RAB32: variants seen among roughly 807,000 people sequenced by gnomAD.
RAB32 encodes ras-related protein Rab-32.
Under a neutral mutation model 17.5 loss-of-function variants are expected in RAB32, and 17 were observed. That is an observed-to-expected ratio of 0.97 (90% confidence interval 0.67 to 1.46). The LOEUF is 1.46. RAB32 is among the 40% of genes most tolerant of loss of function. RAB32 has a pLI of 0.00. For missense variants in RAB32, 288 were observed against 284.3 expected (o/e 1.01, Z -0.09); for synonymous variants, 115 against 111.1 (o/e 1.04, Z -0.22).
intron 2 of RAB32, among the ~76,000 whole-genome samples, chr6:146,550,331 C>T (rs997481790): frequency 6.6e-6 from 1 of 152,044 alleles, no homozygotes; most frequent in African/African-American, 2.4e-5. Context: ...AAAAATAAAA[C>T]ACTCAGTTGA....
chr6:146,549,892 C>CTGTTGTGGACTGAA, intron 2 of RAB32, 151 bp downstream of exon 2: 2 of 885,352 alleles, frequency 2.3e-6, no homozygotes, highest in Non-Finnish European at 3.3e-6. Context: ...TCTTTCAGTC[C>CTGTTGTGGACTGAA]ACAACAGGAC....
intron 1 of RAB32, 50 bp from the exon 2 acceptor site, chr6:146,549,414 G>A (rs750620914): frequency 6.6e-7 from 1 of 1,509,960 alleles, no homozygotes; most frequent in African/African-American, 1.4e-5. Context: ...CCTAAATGTA[G>A]ACTCTGTCTG....
intron 1 of RAB32, among the ~76,000 whole-genome samples, chr6:146,544,732 T>C (rs916368723): frequency 6.7e-6 from 1 of 149,928 alleles, no homozygotes; most frequent in South Asian, 2.1e-4. Context: ...CTTCCTCTCT[T>C]GCTAAACCAA....
Position 146,549,611 on chromosome 6 carries a change from G to T in RAB32, c.398G>T (p.Gly133Val), listed in dbSNP as rs1168234618. The T allele has an allele frequency of 6.2e-7, 1 of 1,613,994 alleles. No individual in the cohort carries two copies. The highest frequency in any genetic ancestry group is 1.3e-5 in the African/African-American group (1 of 74,894). Reference sequence around the variant, plus strand: ...GATAGTAAAGTTCATCTTCCAAATGGCAGCCCTATCCCTGCTGTCCTCTTG... The same window carrying T: ...GATAGTAAAGTTCATCTTCCAAATGTCAGCCCTATCCCTGCTGTCCTCTTG... ...DLDSKVHLPN[G>V]SPIPAVLLAN... Residue 133 changes from glycine to valine, a missense_variant, in exon 2 of 3, where the codon GGC becomes GTC. Coordinates refer to ENST00000367495, the MANE Select transcript of RAB32 (RefSeq NM_006834.5).
At position 146,554,550 on chromosome 6, in the gene RAB32, A is replaced by G; in HGVS notation, c.623A>G (p.Lys208Arg). Residue 208 changes from lysine (K) to arginine (R), a missense_variant, in exon 3 of 3, where the codon AAA becomes AGA. Transcript: ENST00000367495. ...CCTAATGAAGAAAACGATGTGGACA[A>G]AATTAAGCTAGATCAAGAGACCTTG... ...SFPNEENDVD[K>R]IKLDQETLRA... 6.2e-7 allele frequency: 1 copy of G among 1,613,922 alleles called. No homozygotes were observed. The highest frequency in any genetic ancestry group is 8.5e-7 in the Non-Finnish European group (1 of 1,179,852).
chr6:146,544,182 CTTCTT>C (rs1304838881), intron 1 of RAB32, 61 bp downstream of exon 1: 2 of 1,509,200 alleles, frequency 1.3e-6, no homozygotes, highest in Admixed American at 2.2e-5. Flanking sequence ...CTCCTCTCTG[CTTCTT>C]TTCTTTTTCT....
chr6:146,549,864 C>A, intron 2 of RAB32, 123 bp downstream of exon 2: 2 of 1,142,398 alleles, frequency 1.8e-6, no homozygotes, highest in Non-Finnish European at 2.4e-6. Context: ...AGAAGTGTAG[C>A]ATGGATGTGT....
chr6:146,553,322 C>T (rs1779918156), intron 2 of RAB32, among the ~76,000 whole-genome samples: 1 of 152,082 alleles, frequency 6.6e-6, no homozygotes, highest in African/African-American at 2.4e-5. Context: ...GCACTAAGTA[C>T]AAAGGGAAAA....
Position 146,554,617 on chromosome 6 carries a change from T to C in RAB32, c.*12T>C. 6.2e-7 allele frequency: 1 copy of C among 1,605,980 alleles called. No individual in the cohort carries two copies. Among genetic ancestry groups the C allele is most frequent in the Non-Finnish European group, 8.5e-7 (1 of 1,176,932 alleles). On this transcript the variant is annotated 3_prime_UTR_variant, in exon 3 of 3. Coordinates refer to ENST00000367495, the MANE Select transcript of RAB32 (RefSeq NM_006834.5). ...CCCAGTGTTGCTGATATATGGCTTC[T>C]GCTTCTCTTGTGTGTGCCTCAGCTC...
Position 146,554,722 on chromosome 6 carries a change from C to A in RAB32, c.*117C>A. ...ACATGTGGCACTTCAAAAGGCAGCA[C>A]CACTGGGCGCCTGCACTTATTTGAA... On this transcript the variant is annotated 3_prime_UTR_variant, in exon 3 of 3. Coordinates refer to ENST00000367495, the MANE Select transcript of RAB32 (RefSeq NM_006834.5). The A allele has an allele frequency of 1.8e-6, 2 of 1,106,758 alleles. No homozygotes were observed. Among genetic ancestry groups the A allele is most frequent in the African/African-American group, 1.6e-5 (1 of 63,468 alleles). 68.6% of individuals were successfully genotyped at this position (1,106,758 alleles called of 1,614,324 possible). A position where few individuals can be genotyped will look rare whatever the true frequency, so the allele number is the denominator to read the frequency against.
Position 146,543,895 on chromosome 6 carries a change from C to A in RAB32, c.24C>A (p.Asp8Glu), listed in dbSNP as rs546395045. The change falls in exon 1 of 3, where the codon GAC (aspartate) becomes GAA (glutamate). Residue 8 changes from aspartate to glutamate, a missense_variant. Coordinates refer to ENST00000367495, the MANE Select transcript of RAB32 (RefSeq NM_006834.5). ...TCATGGCGGGCGGAGGAGCCGGGGA[C>A]CCCGGCCTGGGGGCGGCCGCCGCCC... is the stretch of plus-strand genomic sequence containing the variant. MAGGGAG[D>E]PGLGAAAAPA... The A allele has an allele frequency of 1.9e-6, 3 of 1,549,808 alleles. No homozygotes were observed. Among genetic ancestry groups the A allele is most frequent in the African/African-American group, 2.8e-5 (2 of 71,816 alleles).
At chr6:146,550,820 T>C (rs1027842146) in intron 2 of RAB32, among the ~76,000 whole-genome samples, 10 of 152,104 alleles carry the variant, frequency 6.6e-5, no homozygotes, top group African/African-American at 2.4e-4. Context: ...AATTCTGTGA[T>C]GACAGATAAA....
At chr6:146,544,779 G>A (rs866252777) in intron 1 of RAB32, among the ~76,000 whole-genome samples, 1 of 68,246 alleles carries the variant, frequency 1.5e-5, no homozygotes, top group Admixed American at 1.8e-4. Flanking sequence ...GCCCCCCCCC[G>A]CCCCCCCCCC....
intron 1 of RAB32, among the ~76,000 whole-genome samples, chr6:146,546,519 TTACTAAC>T (rs1358892405): frequency 6.6e-6 from 1 of 152,084 alleles, no homozygotes; most frequent in Admixed American, 6.5e-5. Context: ...GAGAGCTACA[TTACTAAC>T]TGTTTGATTT....
intron 1 of RAB32, among the ~76,000 whole-genome samples, chr6:146,545,963 C>G (rs575524919): frequency 3.6e-4 from 55 of 152,204 alleles, no homozygotes; most frequent in Non-Finnish European, 6.5e-4. Context: ...CGATTGGGTC[C>G]CACTGCTGGT....
chr6:146,551,443 T>C (rs1236555470), intron 2 of RAB32, among the ~76,000 whole-genome samples: 1 of 152,134 alleles, frequency 6.6e-6, no homozygotes, highest in Non-Finnish European at 1.5e-5. Context: ...CAGGCTGGAC[T>C]CAAACTCCTG....
At chr6:146,552,001 C>T (rs1244409359) in intron 2 of RAB32, among the ~76,000 whole-genome samples, 2 of 152,128 alleles carry the variant, frequency 1.3e-5, no homozygotes, top group African/African-American at 4.8e-5. Flanking sequence ...GCCTAAATGT[C>T]ACTAAGGTAC....
intron 2 of RAB32, among the ~76,000 whole-genome samples, chr6:146,551,238 T>A (rs1779894760): frequency 6.6e-6 from 1 of 152,136 alleles, no homozygotes; most frequent in Admixed American, 6.5e-5. Context: ...AAATAAAACA[T>A]AGTGATAGAA....
intron 1 of RAB32, among the ~76,000 whole-genome samples, chr6:146,545,097 T>C (rs542525307): frequency 5.2e-4 from 79 of 151,346 alleles, no homozygotes; most frequent in African/African-American, 1.7e-3. Flanking sequence ...TACATACATA[T>C]ATACATACAT....
Sources: allele counts gnomAD v4.1 joint callset (sites outside exome capture counted in the v4.1 genomes callset), GRCh38; gene constraint gnomAD v4.1.1; transcripts MANE v1.5; gene names NCBI Gene and HGNC (gene_info 2026-07-23, HGNC 2026-07-21).